KIF26B: variants seen among roughly 807,000 people sequenced by gnomAD.
KIF26B encodes the protein kinesin-like protein KIF26B.
KIF26B carries 63 observed loss-of-function variants against 151.2 expected under a neutral mutation model. That is an observed-to-expected ratio of 0.42 (90% CI 0.34 to 0.51). The LOEUF (loss-of-function observed/expected upper bound fraction) is 0.51. Ranked by LOEUF, KIF26B falls within the 20% of genes least tolerant of loss-of-function variation. The pLI, the probability that KIF26B is intolerant of heterozygous loss-of-function variation, is 0.07. For synonymous variants in KIF26B, 1,357 were observed against 1,262.1 expected (o/e 1.08, Z -1.59); for missense variants, 2,813 against 2,913.6 (o/e 0.97, Z 0.79).
rs58537127 is a variant in KIF26B at position 245,358,843 on chromosome 1, T to C, written c.466-7991T>C. On this transcript the variant is annotated intron_variant, in intron 2 of 14. Transcript: ENST00000407071. This position sits in a 1 kb window ranked among gnomAD's most constrained non-coding sequence, Gnocchi z 4.1. ...GTTCAGCACTTTATTTTGTGTCATG[T>C]TGAACATGAACTTTAAAGTTAAGGG... Among the ~76,000 whole-genome samples, 7,162 of 152,228 alleles carry C rather than the reference T, an allele frequency of 0.047. 509 individuals are homozygous for C. The highest frequency in any genetic ancestry group is 0.16 in the African/African-American group (6,498 of 41,496).
chr1:245,611,886 G>T lies in KIF26B; in HGVS notation c.2008G>T (p.Asp670Tyr). 6.2e-7 allele frequency: 1 copy of T among 1,613,208 alleles called. No homozygotes were observed. Among genetic ancestry groups the T allele is most frequent in the Non-Finnish European group, 8.5e-7 (1 of 1,179,710 alleles). The change falls in exon 9 of 15, where the codon GAC becomes TAC. Residue 670 changes from aspartate (D) to tyrosine (Y), a missense_variant. By Grantham distance (160) the Asp-to-Tyr change is radical (BLOSUM62 -3). Coordinates refer to ENST00000407071, the MANE Select transcript of KIF26B (RefSeq NM_018012.4). ...AIASRRSHQQ[D>Y]CDEDDHRNSH... is the part of the protein sequence containing the mutation. ...TGCCTCCCGCAGGAGCCACCAACAG[G>T]ACTGTGATGAGGACGACCACCGCAA...
rs986237807 is a variant in KIF26B at position 245,560,890 on chromosome 1, C to T, written c.1350+19940C>T. On this transcript the variant is annotated intron_variant, in intron 5 of 14. Transcript: ENST00000407071. This position sits in a 1 kb window ranked among gnomAD's most constrained non-coding sequence, Gnocchi z 4.3. Reference sequence around the variant, plus strand: ...AGATTCTGGATTTGGGCGGTCTCACCTCCAAAATTGCAGCCCCTAAGGGGA... The same window carrying T: ...AGATTCTGGATTTGGGCGGTCTCACTTCCAAAATTGCAGCCCCTAAGGGGA... Among the ~76,000 whole-genome samples, 2 of 152,164 alleles carry T rather than the reference C, an allele frequency of 1.3e-5. No individual in the cohort carries two copies. The highest frequency in any genetic ancestry group is 2.9e-5 in the Non-Finnish European group (2 of 68,040).
rs548908091 is a variant in KIF26B, at chr1:245,182,887, C to T, written c.465+26204C>T. Reference sequence around the variant, plus strand: ...TCTGACCCTCGTGATCCACCCGCCTCGGCCTCCCAAAGTACTGGGATTATA... The same window carrying T: ...TCTGACCCTCGTGATCCACCCGCCTTGGCCTCCCAAAGTACTGGGATTATA... On this transcript the variant is annotated intron_variant, in intron 2 of 14. Transcript: ENST00000407071. Among the ~76,000 whole-genome samples the T allele has an allele frequency of 9.8e-5, 15 of 152,306 alleles. No individual in the cohort carries two copies. In the East Asian group the frequency reaches 1.9e-3, roughly 20 times the overall value.
chr1:245,159,210 G>T (rs1668495604), intron 2 of KIF26B, among the ~76,000 whole-genome samples: 1 of 152,128 alleles, frequency 6.6e-6, no homozygotes, highest in African/African-American at 2.4e-5. Flanking sequence ...TGTGTAATTT[G>T]CTTAAGATGC....
At chr1:245,499,219 GT>G (rs373581377) in intron 4 of KIF26B, among the ~76,000 whole-genome samples, 66 of 152,254 alleles carry the variant, frequency 4.3e-4, no homozygotes, top group African/African-American at 1.5e-3. Flanking sequence ...TATTAAAAAT[GT>G]TAAGAGAACA....
chr1:245,484,697 T>C (rs1446361651), intron 4 of KIF26B, among the ~76,000 whole-genome samples: 3 of 73,694 alleles, frequency 4.1e-5, no homozygotes, highest in African/African-American at 1.1e-4. Flanking sequence ...TCCTCCTTCT[T>C]CTCCTTCTCC....
intron 5 of KIF26B, among the ~76,000 whole-genome samples, chr1:245,543,611 T>C (rs1661672185): frequency 6.6e-6 from 1 of 151,768 alleles, no homozygotes; most frequent in South Asian, 2.1e-4. Context: ...TGGGTAACAG[T>C]GAGGGGGAGG....
intron 2 of KIF26B, among the ~76,000 whole-genome samples, chr1:245,312,437 G>A (rs977542813): frequency 4.6e-5 from 7 of 152,128 alleles, no homozygotes; most frequent in Admixed American, 6.6e-5. Flanking sequence ...TACAGGAGTC[G>A]TTTGCCTCTC....
At chr1:245,682,771 G>A (rs1166094080) in intron 10 of KIF26B, among the ~76,000 whole-genome samples, 1 of 152,226 alleles carries the variant, frequency 6.6e-6, no homozygotes, top group Non-Finnish European at 1.5e-5. Flanking sequence ...TGAAGACAGA[G>A]CCCAAGACGC....
intron 3 of KIF26B, among the ~76,000 whole-genome samples, chr1:245,371,000 G>A (rs918851176): frequency 6.6e-6 from 1 of 152,098 alleles, no homozygotes; most frequent in Non-Finnish European, 1.5e-5. Context: ...CGGTGCTTTG[G>A]GGGCATGCAG....
chr1:245,544,460 C>T (rs1178397147), intron 5 of KIF26B, among the ~76,000 whole-genome samples: 1 of 152,114 alleles, frequency 6.6e-6, no homozygotes, highest in Non-Finnish European at 1.5e-5. Context: ...CAGCCACCCA[C>T]CACCTCCCTC....
intron 5 of KIF26B, among the ~76,000 whole-genome samples, chr1:245,565,243 A>G (rs2042997544): frequency 6.6e-6 from 1 of 151,934 alleles, no homozygotes; most frequent in Admixed American, 6.6e-5. Context: ...CTCAGAGCAC[A>G]GTGAATTCGA....
At chr1:245,700,110 T>TAATA (rs999332638) in intron 14 of KIF26B, among the ~76,000 whole-genome samples, 1 of 152,156 alleles carries the variant, frequency 6.6e-6, no homozygotes, top group African/African-American at 2.4e-5. Context: ...TTCTATAATA[T>TAATA]AATATTAAGT....
At chr1:245,322,547 G>A (rs1671910323) in intron 2 of KIF26B, among the ~76,000 whole-genome samples, 2 of 152,232 alleles carry the variant, frequency 1.3e-5, no homozygotes, top group East Asian at 1.9e-4. Flanking sequence ...ATTGGTTGAT[G>A]GAAGAGACAG....
At chr1:245,277,709 G>A (rs1300511105) in intron 2 of KIF26B, among the ~76,000 whole-genome samples, 3 of 152,088 alleles carry the variant, frequency 2.0e-5, no homozygotes, top group Admixed American at 6.5e-5. Flanking sequence ...CTCTTCTAAC[G>A]TGATTCTTTG....
At chr1:245,596,764 G>A (rs1255759740) in intron 5 of KIF26B, among the ~76,000 whole-genome samples, 1 of 152,154 alleles carries the variant, frequency 6.6e-6, no homozygotes, top group Non-Finnish European at 1.5e-5. Flanking sequence ...TTGTGTGGGA[G>A]TCTAAATCTC....
At chr1:245,455,091 T>C (rs1386479407) in intron 4 of KIF26B, among the ~76,000 whole-genome samples, 1 of 152,174 alleles carries the variant, frequency 6.6e-6, no homozygotes, top group Non-Finnish European at 1.5e-5. Context: ...TGTTTGCGCC[T>C]CTGCAGGCTG....
chr1:245,398,972 A>G (rs77034678), intron 3 of KIF26B, among the ~76,000 whole-genome samples: 1 of 152,282 alleles, frequency 6.6e-6, no homozygotes, highest in Non-Finnish European at 1.5e-5. Context: ...TTCCTGGGAA[A>G]TGAGATATGC....
At chr1:245,391,117 G>C (rs539376729) in intron 3 of KIF26B, among the ~76,000 whole-genome samples, 1 of 152,134 alleles carries the variant, frequency 6.6e-6, no homozygotes, top group East Asian at 1.9e-4. Flanking sequence ...ATGGGTCAAC[G>C]TCTGGAAGAT....
Sources: gnomAD v4.1 joint callset for allele counts (sites outside exome capture counted in the v4.1 genomes callset) on GRCh38, gnomAD v4.1.1 for gene constraint, Gnocchi (gnomAD v3.1) non-coding constraint, MANE v1.5 for transcripts, NCBI Gene and HGNC (gene_info 2026-07-23, HGNC 2026-07-21) for gene names.